Variants in TRDN observed in about 807,000 individuals in gnomAD.
TRDN encodes the protein triadin, also known as triadin in skeletal muscle.
In TRDN, 161 loss-of-function variants were observed where a neutral mutation model predicts 149.7. The ratio of observed to expected loss-of-function variants is 1.08; its 90% CI spans 0.95 to 1.23. The LOEUF is 1.23. Ranked by LOEUF, TRDN falls within the 50% of genes most tolerant of loss-of-function variation. The pLI is 0.00. For missense variants in TRDN, 896 were observed against 823.5 expected, an observed-to-expected ratio of 1.09 and a Z score of -1.08; for synonymous variants, 294 against 250.5, an observed-to-expected ratio of 1.17 and a Z score of -1.64.
intron 29 of TRDN, among the ~76,000 whole-genome samples, chr6:123,272,572 T>A (rs1191650187): frequency 6.6e-6 from 1 of 151,922 alleles, no homozygotes; most frequent in Non-Finnish European, 1.5e-5. Context: ...AATGTTGATT[T>A]CTTCAGCATT....
At chr6:123,363,309 A>G (rs1002782897) in intron 20 of TRDN, among the ~76,000 whole-genome samples, 5 of 152,226 alleles carry the variant, frequency 3.3e-5, no homozygotes, top group Admixed American at 6.5e-5. Flanking sequence ...TGAGAACAAT[A>G]TATTTTTTCA....
intron 21 of TRDN, chr6:123,349,958 CA>C: frequency 1.0e-6 from 1 of 985,288 alleles, no homozygotes; most frequent in Non-Finnish European, 1.2e-6. Flanking sequence ...AGAATAGCAT[CA>C]AAAGCAAAGA....
chr6:123,436,381 A>G (rs528814413), intron 12 of TRDN, among the ~76,000 whole-genome samples: 1 of 152,252 alleles, frequency 6.6e-6, no homozygotes, highest in African/African-American at 2.4e-5. Flanking sequence ...TTTGGATGCA[A>G]AGGAATGGGC....
intron 8 of TRDN, chr6:123,498,688 C>A: frequency 2.2e-6 from 1 of 456,856 alleles, no homozygotes; most frequent in Non-Finnish European, 4.6e-6. Flanking sequence ...AAGGTATTTT[C>A]TCTTTTCTAG....
At chr6:123,303,459 T>C (rs937338415) in intron 24 of TRDN, among the ~76,000 whole-genome samples, 24 of 152,060 alleles carry the variant, frequency 1.6e-4, no homozygotes, top group Non-Finnish European at 1.0e-4. Flanking sequence ...ACAAACGACA[T>C]GAATACCACA....
intron 2 of TRDN, among the ~76,000 whole-genome samples, chr6:123,561,418 G>T (rs377192107): frequency 6.6e-6 from 1 of 152,060 alleles, no homozygotes; most frequent in Non-Finnish European, 1.5e-5. Context: ...GTCTGTCCTC[G>T]GAATGCTACA....
chr6:123,347,640 T>C (rs926196878), intron 21 of TRDN, among the ~76,000 whole-genome samples: 1 of 152,044 alleles, frequency 6.6e-6, no homozygotes, highest in Non-Finnish European at 1.5e-5. Flanking sequence ...TTCCTGTTGA[T>C]TGATTGTACT....
At chr6:123,466,278 T>C (rs1689992985) in intron 9 of TRDN, among the ~76,000 whole-genome samples, 1 of 152,234 alleles carries the variant, frequency 6.6e-6, no homozygotes, top group South Asian at 2.1e-4. Context: ...TGATCCACAT[T>C]ATCTTTCTTT....
chr6:123,235,959 C>T (rs1775772127), intron 38 of TRDN, among the ~76,000 whole-genome samples: 1 of 152,110 alleles, frequency 6.6e-6, no homozygotes, highest in Admixed American at 6.6e-5. Context: ...GGGTTATTTC[C>T]AGATTTGGCG....
intron 4 of TRDN, among the ~76,000 whole-genome samples, chr6:123,535,298 A>G (rs1421756545): frequency 6.6e-6 from 1 of 152,164 alleles, no homozygotes. Flanking sequence ...TGCCGGTGTC[A>G]GTAATGGTTT....
At chr6:123,607,847 T>C (rs1198175247) in intron 1 of TRDN, among the ~76,000 whole-genome samples, 1 of 150,392 alleles carries the variant, frequency 6.6e-6, no homozygotes, top group Non-Finnish European at 1.5e-5. Context: ...CTTTCTCTTT[T>C]AGTCTTTTTT....
At chr6:123,268,709 A>C (rs12191712) in intron 31 of TRDN, among the ~76,000 whole-genome samples, 2 of 152,004 alleles carry the variant, frequency 1.3e-5, no homozygotes, top group Non-Finnish European at 2.9e-5. Context: ...CATCAGACTA[A>C]ACAGATATTC....
chr6:123,374,121 T>C (rs879782799), intron 19 of TRDN, among the ~76,000 whole-genome samples: 2 of 152,092 alleles, frequency 1.3e-5, no homozygotes, highest in Non-Finnish European at 2.9e-5. Flanking sequence ...ATATAGGGAG[T>C]AGAATATTAA....
chr6:123,583,940 G>A (rs932288798), intron 1 of TRDN: 4 of 262,684 alleles, frequency 1.5e-5, no homozygotes, highest in Admixed American at 4.0e-5. Context: ...AGATTTCCAC[G>A]ATGGAAAGGA....
Position 123,497,242 on chromosome 6 carries a change from T to A in TRDN, c.804A>T (p.Ala268=). The A allele has an allele frequency of 6.5e-7, 1 of 1,548,430 alleles. No individual in the cohort carries two copies. The highest frequency in any genetic ancestry group is 1.4e-5 in the African/African-American group (1 of 71,972). Residue 268 remains alanine (A), a synonymous_variant, in exon 9 of 41, where the codon GCA becomes GCT. Coordinates refer to ENST00000334268, the MANE Select transcript of TRDN (RefSeq NM_006073.4). ...VSKHEQKDQY[A]FCRYMIDIFV... ...ATATGTCAATCATATATCGACAGAA[T>A]GCATACTGATCTGACAGAGTAGAAA...
intron 19 of TRDN, among the ~76,000 whole-genome samples, chr6:123,366,706 C>T (rs547460120): frequency 7.2e-5 from 11 of 151,816 alleles, no homozygotes; most frequent in Non-Finnish European, 1.6e-4. Flanking sequence ...TTAGTAGAGA[C>T]GGGGTTTCAC....
intron 7 of TRDN, among the ~76,000 whole-genome samples, chr6:123,506,783 C>A (rs1186788938): frequency 1.3e-5 from 2 of 152,064 alleles, no homozygotes; most frequent in Non-Finnish European, 1.5e-5. Context: ...ATGGTCAATT[C>A]ACATGCAAAA....
At chr6:123,444,961 G>A (rs969740681) in intron 10 of TRDN, 1 of 152,188 alleles carries the variant, frequency 6.6e-6, no homozygotes, top group African/African-American at 2.4e-5. Flanking sequence ...TGTTCATCAA[G>A]GATATTGGTC....
At chr6:123,477,454 T>G (rs1471460811) in intron 9 of TRDN, among the ~76,000 whole-genome samples, 1 of 149,400 alleles carries the variant, frequency 6.7e-6, no homozygotes, top group Non-Finnish European at 1.5e-5. Context: ...ACTTTTACAC[T>G]GTTGGTGGGA....
Sources: gnomAD v4.1 joint callset for allele counts (sites outside exome capture counted in the v4.1 genomes callset) on GRCh38, gnomAD v4.1.1 for gene constraint, MANE v1.5 for transcripts, NCBI Gene and HGNC (gene_info 2026-07-23, HGNC 2026-07-21) for gene names.